DPYD: variants seen among roughly 807,000 people sequenced by gnomAD.
The protein encoded by DPYD is dihydropyrimidine dehydrogenase [NADP(+)].
Under a neutral mutation model 116.2 loss-of-function variants are expected in DPYD, and 109 were observed. The observed-to-expected ratio is 0.94, with a 90% CI of 0.80 to 1.10. The LOEUF (loss-of-function observed/expected upper bound fraction) is 1.10. DPYD is among the 50% of genes least tolerant of loss of function. DPYD has a pLI of 0.00. For missense variants in DPYD, 1,302 were observed against 1,254.5 expected, an observed-to-expected ratio of 1.04 and a Z score of -0.57; for synonymous variants, 440 against 432.0, an observed-to-expected ratio of 1.02 and a Z score of -0.23.
At chr1:97,511,610 T>A (rs544735207) in intron 13 of DPYD, among the ~76,000 whole-genome samples, 1 of 151,974 alleles carries the variant, frequency 6.6e-6, no homozygotes, top group Non-Finnish European at 1.5e-5. Context: ...AAAACATGGA[T>A]GAAATTTATG....
At chr1:97,758,000 C>G (rs1243299852) in intron 3 of DPYD, among the ~76,000 whole-genome samples, 1 of 152,086 alleles carries the variant, frequency 6.6e-6, no homozygotes, top group Non-Finnish European at 1.5e-5. Context: ...AATGGAGCGC[C>G]TGCCCCTTTT....
At chr1:97,666,454 T>G (rs1659562834) in intron 8 of DPYD, among the ~76,000 whole-genome samples, 1 of 152,138 alleles carries the variant, frequency 6.6e-6, no homozygotes, top group East Asian at 1.9e-4. Flanking sequence ...CTACCCTACC[T>G]GGCCCCTTCT....
At chr1:97,588,276 A>C (rs1019706759) in intron 10 of DPYD, among the ~76,000 whole-genome samples, 1 of 152,226 alleles carries the variant, frequency 6.6e-6, no homozygotes, top group South Asian at 2.1e-4. Flanking sequence ...ATAAAAATGC[A>C]GCAGAATTAA....
In DPYD at chr1:97,657,562, C is replaced by G. The variant is rs1357117140; in HGVS notation, c.850+21533G>C. On this transcript the variant is annotated intron_variant, in intron 8 of 22. Coordinates refer to ENST00000370192, the MANE Select transcript of DPYD (RefSeq NM_000110.4). ...TCCTCTCAATCAGTGAAAACACATTCTCTTGCCATTACTGACTAAGCAACT... is the reference window on the plus strand; with the variant it reads ...TCCTCTCAATCAGTGAAAACACATTGTCTTGCCATTACTGACTAAGCAACT... Among the ~76,000 whole-genome samples the G allele has an allele frequency of 3.3e-5, 5 of 152,088 alleles. No individual in the cohort carries two copies. The South Asian group carries it at 8.3e-4, about 25-fold the overall frequency.
At chr1:97,692,175 G>C (rs1189166300) in intron 6 of DPYD, among the ~76,000 whole-genome samples, 2 of 151,828 alleles carry the variant, frequency 1.3e-5, no homozygotes, top group Non-Finnish European at 2.9e-5. Context: ...AAGCTAGATG[G>C]AGATATAGAT....
In DPYD at chr1:97,200,390, C is replaced by T. The variant is rs931931962; in HGVS notation, c.2443-7142G>A. On this transcript the variant is annotated intron_variant, in intron 19 of 22. Coordinates refer to ENST00000370192, the MANE Select transcript of DPYD (RefSeq NM_000110.4). ...GAGAATTACTACATTTAAGCAAAAA[C>T]GGAAATTCTTCTGCAATGGTTATCA... is the stretch of plus-strand genomic sequence containing the variant. 2.6e-5 allele frequency among the ~76,000 whole-genome samples: 4 copies of T among 152,142 alleles called. No homozygotes were observed. The South Asian group carries it at 6.2e-4, about 24-fold the overall frequency.
At chr1:97,662,303 C>A (rs1200747815) in intron 8 of DPYD, among the ~76,000 whole-genome samples, 1 of 151,798 alleles carries the variant, frequency 6.6e-6, no homozygotes, top group Non-Finnish European at 1.5e-5. Flanking sequence ...CACCTGGCCC[C>A]AAGTCAACTC....
chr1:97,779,154 G>T (rs780394868), intron 3 of DPYD, among the ~76,000 whole-genome samples: 1 of 151,984 alleles, frequency 6.6e-6, no homozygotes, highest in Non-Finnish European at 1.5e-5. Context: ...TTTTGACATG[G>T]TTTCACAAGG....
At chr1:97,511,275 A>C (rs950255428) in intron 13 of DPYD, among the ~76,000 whole-genome samples, 9 of 152,060 alleles carry the variant, frequency 5.9e-5, no homozygotes, top group African/African-American at 2.2e-4. Context: ...GAAATAATTT[A>C]CAAAAACATT....
chr1:97,427,900 T>C (rs1040269598), intron 14 of DPYD, among the ~76,000 whole-genome samples: 1 of 152,118 alleles, frequency 6.6e-6, no homozygotes, highest in Admixed American at 6.6e-5. Context: ...GAAAATAGTA[T>C]GTATTCACCT....
intron 5 of DPYD, among the ~76,000 whole-genome samples, chr1:97,716,670 A>C (rs1165749017): frequency 6.6e-6 from 1 of 151,524 alleles, no homozygotes; most frequent in Non-Finnish European, 1.5e-5. Context: ...ACTTTTTAAA[A>C]AAAGATGAGG....
At chr1:97,355,465 A>G (rs1482101750) in intron 16 of DPYD, among the ~76,000 whole-genome samples, 1 of 152,122 alleles carries the variant, frequency 6.6e-6, no homozygotes, top group Admixed American at 6.5e-5. Context: ...TACTATATTC[A>G]CCATGTTTTA....
chr1:97,875,752 C>T (rs1671880622), intron 2 of DPYD, among the ~76,000 whole-genome samples: 1 of 151,904 alleles, frequency 6.6e-6, no homozygotes. Context: ...TCCTAAGACA[C>T]ACACGCAAAA....
At chr1:97,633,977 C>T (rs943083360) in intron 8 of DPYD, among the ~76,000 whole-genome samples, 4 of 152,054 alleles carry the variant, frequency 2.6e-5, no homozygotes, top group Non-Finnish European at 5.9e-5. Flanking sequence ...AAAATTTATG[C>T]CCTGCTTTTA....
intron 3 of DPYD, among the ~76,000 whole-genome samples, chr1:97,786,247 A>G (rs535460483): frequency 7.0e-4 from 106 of 152,272 alleles, no homozygotes; most frequent in African/African-American, 2.0e-3. Context: ...CACTTTACCA[A>G]TTCTAACAAA....
At chr1:97,419,216 C>T (rs927094020) in intron 14 of DPYD, among the ~76,000 whole-genome samples, 1 of 152,178 alleles carries the variant, frequency 6.6e-6, no homozygotes, top group East Asian at 1.9e-4. Context: ...ATCCAACATA[C>T]AGTTGCTTAA....
chr1:97,164,038 G>T (rs1174914220), intron 20 of DPYD, among the ~76,000 whole-genome samples: 1 of 152,068 alleles, frequency 6.6e-6, no homozygotes, highest in East Asian at 1.9e-4. Flanking sequence ...CAAAATACTG[G>T]CAAACCAAAT....
intron 20 of DPYD, among the ~76,000 whole-genome samples, chr1:97,118,557 A>G (rs1652164483): frequency 6.6e-6 from 1 of 152,188 alleles, no homozygotes; most frequent in Non-Finnish European, 1.5e-5. Context: ...CAACAATATA[A>G]GCTGCATTGC....
intron 5 of DPYD, among the ~76,000 whole-genome samples, chr1:97,705,352 A>C (rs1220156457): frequency 6.6e-6 from 1 of 151,888 alleles, no homozygotes; most frequent in Non-Finnish European, 1.5e-5. Flanking sequence ...CTCATTGTTC[A>C]ATTCCCACCT....
Sources: allele counts gnomAD v4.1 joint callset (sites outside exome capture counted in the v4.1 genomes callset), GRCh38; gene constraint gnomAD v4.1.1; transcripts MANE v1.5; gene names NCBI Gene and HGNC (gene_info 2026-07-23, HGNC 2026-07-21).